The following RBFOX1 variants were observed in gnomAD, a reference collection of about 807,000 sequenced individuals.
RBFOX1 encodes RNA binding protein fox-1 homolog 1.
RBFOX1 carries 8 observed loss-of-function variants against 57.7 expected under a neutral mutation model. The observed-to-expected ratio is 0.14, with a 90% CI of 0.08 to 0.25. The LOEUF (loss-of-function observed/expected upper bound fraction) is 0.25. Among genes scored for constraint, RBFOX1 ranks in the 10% least tolerant of loss-of-function variants. The probability of loss-of-function intolerance (pLI) is 1.00; values close to 1 mark genes in which losing one functional copy is unlikely to be tolerated. For synonymous variants in RBFOX1, 326 were observed against 222.4 expected, an observed-to-expected ratio of 1.47 and a Z score of -4.15; for missense variants, 611 against 548.5, an observed-to-expected ratio of 1.11 and a Z score of -1.14.
Position 5,872,021 on chromosome 16 carries a change from A to T in RBFOX1, c.351+4686A>T, listed in dbSNP as rs933813431. Among the ~76,000 whole-genome samples the T allele has an allele frequency of 6.6e-5, 10 of 152,162 alleles. 1 individual carries two copies. Among genetic ancestry groups the T allele is most frequent in the Admixed American group, 6.5e-4 (10 of 15,274 alleles). On this transcript the variant is annotated intron_variant, in intron 4 of 19. Coordinates refer to the RBFOX1 transcript ENST00000641259. ...TTTTTTCCTTCCAAAAGGAAACTTT[A>T]TCCTAGGCCTAGGAATCATTTATTT... is the stretch of plus-strand genomic sequence containing the variant.
chr16:6,221,633 A>C (rs1394642313), intron 1 of RBFOX1, among the ~76,000 whole-genome samples: 1 of 152,238 alleles, frequency 6.6e-6, no homozygotes, highest in Non-Finnish European at 1.5e-5. Flanking sequence ...ACAATGGGTA[A>C]TTTATGAAGG....
chr16:6,264,565 C>G (rs550959855), intron 1 of RBFOX1, among the ~76,000 whole-genome samples: 1 of 152,282 alleles, frequency 6.6e-6, no homozygotes, highest in Admixed American at 6.5e-5. Flanking sequence ...CCACAGGGCC[C>G]TTCTCTGCAG....
intron 1 of RBFOX1, among the ~76,000 whole-genome samples, chr16:6,265,209 C>G (rs868844024): frequency 6.6e-6 from 1 of 152,124 alleles, no homozygotes; most frequent in Admixed American, 6.6e-5. Context: ...TGGTTACCCT[C>G]GGGCCTCTCC....
In RBFOX1 at chr16:7,280,985, C is replaced by CT. The variant is rs1555661722; in HGVS notation, c.27+228888dup. ...CCTCCCTCCCTCCCTCCCTCCCTCCCTCCCTCCTTCCTTCCTTCCTTCCTT... is the reference window on the plus strand; with the variant it reads ...CCTCCCTCCCTCCCTCCCTCCCTCCCTTCCCTCCTTCCTTCCTTCCTTCCTT... On this transcript the variant is annotated intron_variant, in intron 4 of 15. Transcript: ENST00000550418. Among the ~76,000 whole-genome samples, 10 of 109,604 alleles carry CT rather than the reference C, an allele frequency of 9.1e-5. No homozygotes were observed. In the South Asian group the frequency reaches 2.5e-3, roughly 27 times the overall value. The allele number at this position is 109,604 out of a possible 152,430, so 71.9% of individuals were successfully genotyped here. A position where few individuals can be genotyped will look rare whatever the true frequency, so the allele number is the denominator to read the frequency against.
chr16:7,101,284 G>C (rs539091035), intron 4 of RBFOX1, among the ~76,000 whole-genome samples: 3 of 152,152 alleles, frequency 2.0e-5, no homozygotes, highest in African/African-American at 7.2e-5. Flanking sequence ...CTCGCCGCTA[G>C]CTTGGATGAA....
At chr16:5,854,132 A>C (rs1459352862) in intron 3 of RBFOX1, among the ~76,000 whole-genome samples, 1 of 152,208 alleles carries the variant, frequency 6.6e-6, no homozygotes, top group Non-Finnish European at 1.5e-5. Flanking sequence ...GCTTACCACA[A>C]TCAAGCTAAT....
intron 3 of RBFOX1, among the ~76,000 whole-genome samples, chr16:5,655,971 C>G (rs1263726712): frequency 6.6e-6 from 1 of 152,206 alleles, no homozygotes; most frequent in Non-Finnish European, 1.5e-5. Context: ...CTGTGTCTGT[C>G]TTGTTCACCA....
chr16:5,475,559 T>C (rs2069292046), intron 2 of RBFOX1, among the ~76,000 whole-genome samples: 1 of 152,244 alleles, frequency 6.6e-6, no homozygotes, highest in Non-Finnish European at 1.5e-5. Context: ...ATTTATAATT[T>C]TGACATAGGT....
rs2092768933 is a variant in RBFOX1 at position 7,001,332 on chromosome 16, C to G, written c.-15-50725C>G. ...CTGGTCAACTTATGTATTTCCTACCCTGGCCCTGACTCTGTGTGTGTGTGT... is the reference window on the plus strand; with the variant it reads ...CTGGTCAACTTATGTATTTCCTACCGTGGCCCTGACTCTGTGTGTGTGTGT... On this transcript the variant is annotated intron_variant, in intron 3 of 15. Transcript: ENST00000550418. Among the ~76,000 whole-genome samples, 3 of 151,760 alleles carry G rather than the reference C, an allele frequency of 2.0e-5. No individual in the cohort carries two copies. In the South Asian group the frequency reaches 6.3e-4, roughly 32 times the overall value.
chr16:6,564,965 AC>A (rs1481014360), intron 2 of RBFOX1, among the ~76,000 whole-genome samples: 1 of 151,978 alleles, frequency 6.6e-6, no homozygotes, highest in Non-Finnish European at 1.5e-5. Flanking sequence ...ACATGGTGAA[AC>A]CCCATTTGTA....
chr16:5,792,824 C>T (rs1053823994), intron 3 of RBFOX1, among the ~76,000 whole-genome samples: 7 of 151,930 alleles, frequency 4.6e-5, no homozygotes, highest in African/African-American at 1.7e-4. Context: ...GCCTGGGCAA[C>T]AAGAGCGAGA....
intron 4 of RBFOX1, among the ~76,000 whole-genome samples, chr16:5,938,898 G>C (rs1167296110): frequency 6.6e-6 from 1 of 152,148 alleles, no homozygotes; most frequent in East Asian, 1.9e-4. Context: ...ACTAAATTTT[G>C]GGATGGCTAT....
intron 2 of RBFOX1, among the ~76,000 whole-genome samples, chr16:6,348,669 C>G (rs1335992511): frequency 6.6e-6 from 1 of 152,112 alleles, no homozygotes; most frequent in Non-Finnish European, 1.5e-5. Flanking sequence ...AGAGCAGGAG[C>G]AGGACTGAGG....
intron 2 of RBFOX1, among the ~76,000 whole-genome samples, chr16:6,399,045 C>G (rs1002282532): frequency 6.6e-6 from 1 of 152,222 alleles, no homozygotes; most frequent in Non-Finnish European, 1.5e-5. Context: ...TGCTTGTCTT[C>G]TGTGCACCCA....
chr16:6,110,871 C>T (rs2096439003), intron 1 of RBFOX1, among the ~76,000 whole-genome samples: 3 of 152,112 alleles, frequency 2.0e-5, no homozygotes, highest in Admixed American at 2.0e-4. Context: ...CAGCACCAGC[C>T]CCCACCACAA....
chr16:6,328,685 A>G (rs1599685847), intron 2 of RBFOX1, among the ~76,000 whole-genome samples: 1 of 152,152 alleles, frequency 6.6e-6, no homozygotes, highest in Admixed American at 6.5e-5. Flanking sequence ...ATCTTCTCTC[A>G]TGAGGATGGC....
intron 4 of RBFOX1, among the ~76,000 whole-genome samples, chr16:7,437,690 T>C (rs1260808177): frequency 6.6e-6 from 1 of 152,194 alleles, no homozygotes; most frequent in East Asian, 1.9e-4. Flanking sequence ...AGCTGCCTTC[T>C]AAATATTTGT....
intron 3 of RBFOX1, among the ~76,000 whole-genome samples, chr16:6,878,019 A>T (rs2062160342): frequency 6.6e-6 from 1 of 152,122 alleles, no homozygotes; most frequent in South Asian, 2.1e-4. Flanking sequence ...GAATTTAAGG[A>T]TGTTGTTGCC....
intron 3 of RBFOX1, among the ~76,000 whole-genome samples, chr16:6,973,310 A>T (rs2086008227): frequency 6.6e-6 from 1 of 152,196 alleles, no homozygotes; most frequent in South Asian, 2.1e-4. Flanking sequence ...ATGCAGACAA[A>T]ATAAAGCTCA....
Sources: allele counts gnomAD v4.1 joint callset (sites outside exome capture counted in the v4.1 genomes callset), GRCh38; gene constraint gnomAD v4.1.1; transcripts MANE v1.5; gene names NCBI Gene and HGNC (gene_info 2026-07-23, HGNC 2026-07-21).